The following RBFOX2 variants were observed in gnomAD, a reference collection of about 807,000 sequenced individuals.
The protein encoded by RBFOX2 is RNA binding fox-1 homolog 2, also known as RNA binding protein fox-1 homolog 2.
A neutral mutation model predicts 49.1 loss-of-function variants in RBFOX2; 10 were observed. The observed-to-expected ratio is 0.20, with a 90% CI of 0.13 to 0.35. The LOEUF is 0.35. Among genes scored for constraint, RBFOX2 ranks in the 10% least tolerant of loss-of-function variants. The pLI, the probability that RBFOX2 is intolerant of heterozygous loss-of-function variation, is 1.00. For missense variants in RBFOX2, 323 were observed against 486.9 expected (o/e 0.66, Z 3.17); for synonymous variants, 183 against 187.4 (o/e 0.98, Z 0.19).
At chr22:35,853,697 G>C (rs552774242) in intron 1 of RBFOX2, among the ~76,000 whole-genome samples, 3 of 143,012 alleles carry the variant, frequency 2.1e-5, no homozygotes, top group African/African-American at 8.7e-5. Context: ...GTGTGTGTGT[G>C]TGTGTGTAGC....
chr22:35,957,674 G>A (rs1327075508), intron 1 of RBFOX2, among the ~76,000 whole-genome samples: 1 of 152,156 alleles, frequency 6.6e-6, no homozygotes, highest in African/African-American at 2.4e-5. Context: ...CAAGTGACAT[G>A]TCCAAGGTCA....
chr22:35,846,945 A>C (rs965090427), intron 1 of RBFOX2, among the ~76,000 whole-genome samples: 11 of 152,188 alleles, frequency 7.2e-5, no homozygotes, highest in African/African-American at 2.4e-4. Flanking sequence ...AGGTTAAGTA[A>C]AAGTGCCTAA....
chr22:35,908,272 T>C (rs1218068813), intron 1 of RBFOX2, among the ~76,000 whole-genome samples: 2 of 152,184 alleles, frequency 1.3e-5, no homozygotes, highest in Non-Finnish European at 2.9e-5. Flanking sequence ...AGAGAACAAA[T>C]GTTCTTCAAC....
intron 1 of RBFOX2, among the ~76,000 whole-genome samples, chr22:35,821,602 CAAAAAAAAAAAAAAAA>C (rs1158936385): frequency 2.2e-4 from 8 of 36,452 alleles, no homozygotes; most frequent in South Asian, 4.8e-3. Context: ...ACTCCGTCTC[CAAAAAAAAAAAAAAAA>C]AAAAAAAAAA....
intron 1 of RBFOX2, chr22:35,998,417 C>T (rs781150474): frequency 6.6e-6 from 1 of 152,110 alleles, no homozygotes; most frequent in Admixed American, 6.6e-5. Flanking sequence ...GCTCTTGTCG[C>T]CCAAGGTGGG....
At chr22:35,866,861 C>G (rs2043743795) in intron 1 of RBFOX2, among the ~76,000 whole-genome samples, 1 of 152,218 alleles carries the variant, frequency 6.6e-6, no homozygotes, top group Non-Finnish European at 1.5e-5. Context: ...GCCTTCACTT[C>G]TACCCTGGCC....
intron 9 of RBFOX2, among the ~76,000 whole-genome samples, chr22:35,756,438 CTA>C: frequency 6.6e-6 from 1 of 152,168 alleles, no homozygotes; most frequent in East Asian, 1.9e-4. Flanking sequence ...CTAGAAGAGC[CTA>C]TTATATCTAT....
At chr22:35,869,298 C>T (rs1239840042) in intron 1 of RBFOX2, among the ~76,000 whole-genome samples, 1 of 151,776 alleles carries the variant, frequency 6.6e-6, no homozygotes, top group African/African-American at 2.4e-5. Flanking sequence ...GCTGGGATTA[C>T]AGGCACCCAC....
At chr22:35,961,783 G>A (rs2056233966), upstream of RBFOX2, 5 of 1,154,394 alleles carry the variant, frequency 4.3e-6, no homozygotes, top group Admixed American at 1.4e-4. Flanking sequence ...CTTTCAACAG[G>A]AACCTGAGCT....
At chr22:35,854,159 C>T (rs1229823774) in intron 1 of RBFOX2, among the ~76,000 whole-genome samples, 1 of 152,038 alleles carries the variant, frequency 6.6e-6, no homozygotes, top group Non-Finnish European at 1.5e-5. Flanking sequence ...TTGCAGTGAG[C>T]CGAGACTGTG....
At chr22:35,819,827 C>T (rs557418221) in intron 1 of RBFOX2, among the ~76,000 whole-genome samples, 161 of 152,044 alleles carry the variant, frequency 1.1e-3, no homozygotes, top group Non-Finnish European at 2.2e-3. Flanking sequence ...AGGAGGGTAT[C>T]GGGGTATTGG....
At chr22:35,871,870 A>G (rs1603429016) in intron 1 of RBFOX2, among the ~76,000 whole-genome samples, 1 of 152,334 alleles carries the variant, frequency 6.6e-6, no homozygotes, top group South Asian at 2.1e-4. Context: ...GAATTATTTG[A>G]AAAACCAGCT....
At chr22:35,793,142 C>T (rs924472975) in intron 2 of RBFOX2, among the ~76,000 whole-genome samples, 3 of 151,664 alleles carry the variant, frequency 2.0e-5, no homozygotes, top group Non-Finnish European at 2.9e-5. Flanking sequence ...GAGGCCAAGG[C>T]GGGTGGATCA....
At chr22:35,935,765 C>T (rs758608138) in intron 1 of RBFOX2, among the ~76,000 whole-genome samples, 14 of 152,162 alleles carry the variant, frequency 9.2e-5, no homozygotes, top group Non-Finnish European at 1.6e-4. Flanking sequence ...GAAAAGGACC[C>T]TCAGACAGAA....
At chr22:35,974,748 C>T (rs1351755991) in intron 1 of RBFOX2, among the ~76,000 whole-genome samples, 1 of 152,044 alleles carries the variant, frequency 6.6e-6, no homozygotes, top group African/African-American at 2.4e-5. Context: ...ACGCCACAAT[C>T]CTAACACTAC....
intron 4 of RBFOX2, among the ~76,000 whole-genome samples, chr22:35,776,604 G>C (rs936863550): frequency 2.6e-5 from 4 of 152,134 alleles, no homozygotes; most frequent in Admixed American, 2.6e-4. Flanking sequence ...AATTGGAGAG[G>C]TAAATATTAG....
intron 1 of RBFOX2, among the ~76,000 whole-genome samples, chr22:36,023,863 CT>C (rs1007402208): frequency 1.1e-4 from 16 of 152,194 alleles, no homozygotes; most frequent in African/African-American, 2.9e-4. Context: ...TCCTCTCTTT[CT>C]CCTAGGGTTC....
intron 1 of RBFOX2, among the ~76,000 whole-genome samples, chr22:35,916,572 G>A (rs536124784): frequency 9.2e-5 from 14 of 152,292 alleles, no homozygotes; most frequent in East Asian, 3.9e-4. Flanking sequence ...ACAAGTCACC[G>A]TGCCCAGCCA....
chr22:36,004,573 A>C (rs777172529), intron 1 of RBFOX2, among the ~76,000 whole-genome samples: 1 of 152,172 alleles, frequency 6.6e-6, no homozygotes. Flanking sequence ...AGGTGGGTAG[A>C]TCACCTGAGG....
Sources: gnomAD v4.1 joint callset for allele counts (sites outside exome capture counted in the v4.1 genomes callset) on GRCh38, gnomAD v4.1.1 for gene constraint, MANE v1.5 for transcripts, NCBI Gene and HGNC (gene_info 2026-07-23, HGNC 2026-07-21) for gene names.